Variants in PDE4B observed in about 807,000 individuals in gnomAD.
PDE4B encodes phosphodiesterase 4B.
PDE4B carries 20 observed loss-of-function variants against 82.2 expected under a neutral mutation model. That is an observed-to-expected ratio of 0.24 (90% CI 0.17 to 0.35). The LOEUF (loss-of-function observed/expected upper bound fraction) is 0.35, where lower values mean the gene tolerates loss of function less well. Ranked by LOEUF, PDE4B falls within the 10% of genes least tolerant of loss-of-function variation. The probability of loss-of-function intolerance (pLI) is 1.00; values close to 1 mark genes in which losing one functional copy is unlikely to be tolerated. For synonymous variants in PDE4B, 320 were observed against 318.9 expected (o/e 1.00, Z -0.04); for missense variants, 655 against 907.2 (o/e 0.72, Z 3.57).
At chr1:65,812,905 G>C (rs531394521) in intron 1 of PDE4B, among the ~76,000 whole-genome samples, 1 of 152,018 alleles carries the variant, frequency 6.6e-6, no homozygotes, top group South Asian at 2.1e-4. Flanking sequence ...GCTTTCTAAG[G>C]GTCCTAGACA....
intron 4 of PDE4B, among the ~76,000 whole-genome samples, chr1:66,248,836 C>T (rs754479335): frequency 6.6e-5 from 10 of 152,200 alleles, no homozygotes; most frequent in Non-Finnish European, 1.5e-4. Context: ...TTAATGAGCA[C>T]TTCCCATGGA....
intron 8 of PDE4B, 145 bp from the exon 9 acceptor site, chr1:66,355,382 G>T: frequency 4.3e-6 from 2 of 463,292 alleles, no homozygotes. Flanking sequence ...AAATTGAAGA[G>T]ATATATTTTG....
At chr1:66,369,043 GT>G in intron 16 of PDE4B, 74 bp downstream of exon 16, 1 of 1,147,494 alleles carries the variant, frequency 8.7e-7, no homozygotes. Flanking sequence ...ATTTAATTCC[GT>G]TTTTCCAATA....
intron 3 of PDE4B, among the ~76,000 whole-genome samples, chr1:66,103,956 ACT>A (rs1335959508): frequency 6.6e-6 from 1 of 152,010 alleles, no homozygotes; most frequent in Non-Finnish European, 1.5e-5. Context: ...TTATTATTAT[ACT>A]TTAAGTTTTA....
intron 6 of PDE4B, among the ~76,000 whole-genome samples, chr1:66,261,755 C>T (rs1451547799): frequency 6.6e-6 from 1 of 152,178 alleles, no homozygotes; most frequent in Non-Finnish European, 1.5e-5. Context: ...TTGAGGGATG[C>T]TTGATTGGAC....
chr1:65,880,135 G>C (rs1431137042), intron 1 of PDE4B, among the ~76,000 whole-genome samples: 2 of 152,078 alleles, frequency 1.3e-5, no homozygotes, highest in African/African-American at 4.8e-5. Context: ...AAATAATGTG[G>C]GCAATTGCTC....
At chr1:65,955,205 C>T (rs866160249) in intron 3 of PDE4B, among the ~76,000 whole-genome samples, 1 of 152,046 alleles carries the variant, frequency 6.6e-6, no homozygotes, top group African/African-American at 2.4e-5. Context: ...GAGCCCTGTC[C>T]GTCCATCCAT....
intron 3 of PDE4B, among the ~76,000 whole-genome samples, chr1:66,003,132 G>A (rs114615998): frequency 0.01 from 1,528 of 152,146 alleles, 21 homozygotes; most frequent in African/African-American, 0.035. Flanking sequence ...CAAAGTGCAT[G>A]TGGGTTAGTA....
rs548423235 is a variant in PDE4B at position 65,961,425 on chromosome 1, T to G, written c.281+42590T>G. ...TGGGTTTTCCATGTAATCCATTGTC[T>G]CTTTGAGAGACGATATCTATTATAA... On this transcript the variant is annotated intron_variant, in intron 3 of 16. Transcript: ENST00000341517. Among the ~76,000 whole-genome samples the G allele has an allele frequency of 6.6e-5, 10 of 152,310 alleles. No individual in the cohort carries two copies. In the South Asian group the frequency reaches 1.9e-3, roughly 28 times the overall value.
intron 3 of PDE4B, among the ~76,000 whole-genome samples, chr1:65,936,310 T>G (rs1648134373): frequency 6.6e-6 from 1 of 152,138 alleles, no homozygotes; most frequent in Admixed American, 6.6e-5. Flanking sequence ...TATTATAAAA[T>G]AATGATAAAA....
chr1:65,807,661 T>A (rs1645769608), intron 1 of PDE4B, among the ~76,000 whole-genome samples: 2 of 152,242 alleles, frequency 1.3e-5, no homozygotes, highest in Admixed American at 1.3e-4. Context: ...TTTTGTCAAG[T>A]CATTGGTCAA....
intron 1 of PDE4B, among the ~76,000 whole-genome samples, chr1:65,898,008 G>C (rs1447454340): frequency 1.3e-5 from 2 of 151,690 alleles, no homozygotes. Flanking sequence ...GTTACTTTTT[G>C]ACTTTTAAGT....
At chr1:66,302,882 G>A (rs1307058563) in intron 7 of PDE4B, among the ~76,000 whole-genome samples, 1 of 152,076 alleles carries the variant, frequency 6.6e-6, no homozygotes, top group Non-Finnish European at 1.5e-5. Context: ...CTCTTCTTGA[G>A]GTTTCCCTCC....
chr1:65,938,025 A>G (rs1458449297), intron 3 of PDE4B, among the ~76,000 whole-genome samples: 1 of 152,198 alleles, frequency 6.6e-6, no homozygotes, highest in Non-Finnish European at 1.5e-5. Context: ...AATGGCTGCA[A>G]CCAAAATGTA....
rs903674548 is a variant in PDE4B, at chr1:66,032,686, C to T, written c.281+113851C>T. ...TTTTTTTTTTTTTGAGAAGGAGTCT[C>T]GCTCTGTCAGCCAGGCTGGAGTGCA... On this transcript the variant is annotated intron_variant, in intron 3 of 16. Coordinates refer to ENST00000341517, the MANE Select transcript of PDE4B (RefSeq NM_002600.4). Among the ~76,000 whole-genome samples the T allele has an allele frequency of 4.8e-5, 7 of 146,708 alleles. No homozygotes were observed. In the South Asian group the frequency reaches 1.3e-3, roughly 27 times the overall value.
At chr1:65,816,187 T>C (rs1192502726) in intron 1 of PDE4B, among the ~76,000 whole-genome samples, 1 of 45,542 alleles carries the variant, frequency 2.2e-5, no homozygotes, top group African/African-American at 7.6e-5. Flanking sequence ...TGATTATTAA[T>C]GCAGTGTGTG....
chr1:65,977,859 G>A (rs2100643998), intron 3 of PDE4B, among the ~76,000 whole-genome samples: 1 of 152,232 alleles, frequency 6.6e-6, no homozygotes, highest in South Asian at 2.1e-4. Flanking sequence ...AAGCTGTGGA[G>A]CCACATTAGG....
intron 2 of PDE4B, among the ~76,000 whole-genome samples, chr1:65,914,470 C>CT (rs34161281): frequency 2.8e-4 from 41 of 145,066 alleles, no homozygotes; most frequent in South Asian, 4.3e-4. Context: ...TCTTCTTCTT[C>CT]TTTTTTTTTT....
intron 3 of PDE4B, among the ~76,000 whole-genome samples, chr1:65,923,226 C>T (rs560214204): frequency 1.8e-4 from 27 of 152,138 alleles, no homozygotes; most frequent in Non-Finnish European, 3.4e-4. Context: ...GAATTGTATT[C>T]GTATAATACC....
Sources: gnomAD v4.1 joint callset for allele counts (sites outside exome capture counted in the v4.1 genomes callset) on GRCh38, gnomAD v4.1.1 for gene constraint, MANE v1.5 for transcripts, NCBI Gene and HGNC (gene_info 2026-07-23, HGNC 2026-07-21) for gene names.